The following TAP2 variants were observed in gnomAD, a reference collection of about 807,000 sequenced individuals.
The protein encoded by TAP2 is antigen peptide transporter 2.
A neutral mutation model predicts 74.7 loss-of-function variants in TAP2; 49 were observed. The ratio of observed to expected loss-of-function variants is 0.66; its 90% CI spans 0.52 to 0.83. The LOEUF is 0.83. TAP2 is among the 40% of genes least tolerant of loss of function. The pLI, the probability that TAP2 is intolerant of heterozygous loss-of-function variation, is 0.00. For missense variants in TAP2, 739 were observed against 859.0 expected, an observed-to-expected ratio of 0.86 and a Z score of 1.75; for synonymous variants, 306 against 368.4, an observed-to-expected ratio of 0.83 and a Z score of 1.94.
Position 32,827,478 on chromosome 6 carries a change from C to T in TAP2, c.*1428G>A, listed in dbSNP as rs930487581. ...AAAAGGTGGGAAAGGGAAGATAGAA[C>T]TTTAAAAGGGCTGTGAAAGAGGTAA... On this transcript the variant is annotated 3_prime_UTR_variant, in exon 12 of 12. Coordinates refer to ENST00000374897, the MANE Select transcript of TAP2 (RefSeq NM_001290043.2). 1 of 453,192 alleles carries T rather than the reference C, an allele frequency of 2.2e-6. No individual in the cohort carries two copies. The highest frequency in any genetic ancestry group is 2.9e-6 in the Non-Finnish European group (1 of 344,214). The allele number at this position is 453,192 out of a possible 1,614,324, so 28.1% of individuals were successfully genotyped here. A position where few individuals can be genotyped will look rare whatever the true frequency, so the allele number is the denominator to read the frequency against.
rs1195298920 is a variant in TAP2 at position 32,828,956 on chromosome 6, G to A, written c.2011C>T (p.Gln671Ter). ...TTGCCCTCCTGGAGCACCAGGATCT[G>A]GTGGGCGCGCTGAACTGTCTGCAGC... ...HRLQTVQRAH[Q>*]ILVLQEGKLQ... Residue 671 changes from glutamine (Q) to a stop codon, truncating the protein, a stop_gained, in exon 12 of 12, where the codon CAG becomes TAG. Coordinates refer to ENST00000374897, the MANE Select transcript of TAP2 (RefSeq NM_001290043.2). LOFTEE classifies it high-confidence loss of function. 3 of 1,547,550 alleles carry A rather than the reference G, an allele frequency of 1.9e-6. No homozygotes were observed. Among genetic ancestry groups the A allele is most frequent in the Non-Finnish European group, 2.6e-6 (3 of 1,146,368 alleles).
chr6:32,829,020 A>G lies in TAP2; in HGVS notation c.1947T>C (p.Asn649=), dbSNP rs942085634. The stretch of plus-strand genomic sequence containing the variant: ...CCAGCACTGTGCGATCCCCACGGGA[A>G]TTCCAGTCCTGCAGCTGAAGGGGTG... ...VQCEQALQDW[N]SRGDRTVLVI... The change falls in exon 12 of 12, where the codon AAT becomes AAC. Residue 649 remains asparagine, a synonymous_variant. Transcript: ENST00000374897. 1.5e-5 allele frequency: 23 copies of G among 1,549,202 alleles called. No homozygotes were observed. The highest frequency in any genetic ancestry group is 2.0e-5 in the Non-Finnish European group (23 of 1,146,480).
chr6:32,832,356 C>G lies in TAP2; in HGVS notation c.1249G>C (p.Glu417Gln). 6.2e-7 allele frequency: 1 copy of G among 1,613,046 alleles called. No homozygotes were observed. The highest frequency in any genetic ancestry group is 8.5e-7 in the Non-Finnish European group (1 of 1,180,030). ...ACCTGCACATAGCTCCCCACGCTCT[C>G]CTGGTAGATCATAAAGGAAAGCAGG... Reference protein sequence around the residue: ...GSLLSFMIYQESVGSYVQTLV... With the variant: ...GSLLSFMIYQQSVGSYVQTLV... Residue 417 changes from glutamate (E) to glutamine (Q), a missense_variant, in exon 7 of 12, where the codon GAG (glutamate) becomes CAG (glutamine). Glu to Gln is a conservative substitution (Grantham distance 29, BLOSUM62 2). Transcript: ENST00000374897. This position sits in a 1 kb window ranked among gnomAD's most constrained non-coding sequence, Gnocchi z 5.9.
In TAP2 at chr6:32,833,558, A is replaced by C. The variant is rs557539839; in HGVS notation, c.946-734T>G. On this transcript the variant is annotated intron_variant, in intron 5 of 11. Coordinates refer to ENST00000374897, the MANE Select transcript of TAP2 (RefSeq NM_001290043.2). ...TCAATATTTACTAATCATTAGGGAA[A>C]TGCAAATCAAAACCACAATGAGATA... Among the ~76,000 whole-genome samples the C allele has an allele frequency of 9.2e-5, 14 of 152,356 alleles. No homozygotes were observed. The East Asian group carries it at 2.7e-3, about 29-fold the overall frequency.
intron 11 of TAP2, 62 bp downstream of exon 11, chr6:32,829,338 T>G (rs241443): frequency 0.32 from 496,278 of 1,553,198 alleles, 81,842 homozygotes; most frequent in South Asian, 0.41. Flanking sequence ...TTCTGCACAG[T>G]CTGATCCTCC....
chr6:32,826,332 C>T lies in TAP2; in HGVS notation c.*2574G>A. 4 of 985,396 alleles carry T rather than the reference C, an allele frequency of 4.1e-6. No homozygotes were observed. The highest frequency in any genetic ancestry group is 4.8e-6 in the Non-Finnish European group (4 of 829,946). The allele number at this position is 985,396 out of a possible 1,614,324, so 61.0% of individuals were successfully genotyped here. On this transcript the variant is annotated 3_prime_UTR_variant, in exon 12 of 12. Transcript: ENST00000374897. ...AAATCTATCAGTTTCCCAAGCTTTC[C>T]CCTCTCCATTCATACTTTCCTTTAG...
chr6:32,828,878 C>A lies in TAP2; in HGVS notation c.*28G>T. ...CCTCAGTCCATCAGCCGCTGCTGCACCAGGCGGGAATAGAGGTCCTGTCCC... is the reference window on the plus strand; with the variant it reads ...CCTCAGTCCATCAGCCGCTGCTGCAACAGGCGGGAATAGAGGTCCTGTCCC... On this transcript the variant is annotated 3_prime_UTR_variant, in exon 12 of 12. Transcript: ENST00000374897. 1 of 1,524,174 alleles carries A rather than the reference C, an allele frequency of 6.6e-7. No individual in the cohort carries two copies. The highest frequency in any genetic ancestry group is 8.9e-7 in the Non-Finnish European group (1 of 1,128,760). 94.4% of individuals were successfully genotyped at this position (1,524,174 alleles called of 1,614,324 possible). A position where few individuals can be genotyped will look rare whatever the true frequency, so the allele number is the denominator to read the frequency against.
chr6:32,835,445 C>T lies in TAP2; in HGVS notation c.740-86G>A. 6.7e-7 allele frequency: 1 copy of T among 1,494,042 alleles called. No homozygotes were observed. The allele number at this position is 1,494,042 out of a possible 1,614,324, so 92.5% of individuals were successfully genotyped here. On this transcript the variant is annotated intron_variant, in intron 4 of 11. Transcript: ENST00000374897. This position sits in a 1 kb window ranked among gnomAD's most constrained non-coding sequence, Gnocchi z 4.0. ...ACTCCCTCCTGACCGTTCCCTCTGA[C>T]ACAGCCCCCTCCTCTGAACATCCTC...
rs750836884 is a variant in TAP2, at chr6:32,835,737, G to A, written c.645C>T (p.Thr215=). 1 of 1,613,150 alleles carries A rather than the reference G, an allele frequency of 6.2e-7. No homozygotes were observed. The part of the protein sequence containing the change: ...LSAGCRGGCF[T]YTMSRINLRI... ...GCAAGTTGATTCGAGACATGGTGTAGGTGAAGCAGCCTCCTCGGCAGCCTG... is the reference window on the plus strand; with the variant it reads ...GCAAGTTGATTCGAGACATGGTGTAAGTGAAGCAGCCTCCTCGGCAGCCTG... Residue 215 remains threonine (T), a synonymous_variant, in exon 4 of 12, where the codon ACC becomes ACT. Transcript: ENST00000374897. This position sits in a 1 kb window ranked among gnomAD's most constrained non-coding sequence, Gnocchi z 4.0.
intron 7 of TAP2, among the ~76,000 whole-genome samples, chr6:32,831,693 A>G (rs191984594): frequency 1.3e-5 from 2 of 152,194 alleles, no homozygotes; most frequent in Admixed American, 1.3e-4. Context: ...CTATTTCTTC[A>G]ACAAATAAAC....
At position 32,828,273 on chromosome 6, in the gene TAP2, C is replaced by T. The variant is rs1275604734; in HGVS notation, c.*633G>A. ...AAACTCTATAAATGGTAGCTGTTACCAATGTCGCTATTAATACTGTTAATC... is the reference window on the plus strand; with the variant it reads ...AAACTCTATAAATGGTAGCTGTTACTAATGTCGCTATTAATACTGTTAATC... On this transcript the variant is annotated 3_prime_UTR_variant, in exon 12 of 12. Transcript: ENST00000374897. 7 of 985,106 alleles carry T rather than the reference C, an allele frequency of 7.1e-6. No individual in the cohort carries two copies. Among genetic ancestry groups the T allele is most frequent in the Non-Finnish European group, 8.4e-6 (7 of 829,674 alleles). 61.0% of individuals were successfully genotyped at this position (985,106 alleles called of 1,614,324 possible).
rs1768673813 is a variant in TAP2 at position 32,826,715 on chromosome 6, C to T, written c.*2191G>A. On this transcript the variant is annotated 3_prime_UTR_variant, in exon 12 of 12. Transcript: ENST00000374897. The stretch of plus-strand genomic sequence containing the variant: ...CACCCAGCTTTATCATGATTAGCTG[C>T]GTGATTTCATGTCAGTTTCTCTGTA... 9 of 985,372 alleles carry T rather than the reference C, an allele frequency of 9.1e-6. No individual in the cohort carries two copies. The highest frequency in any genetic ancestry group is 1.1e-5 in the Non-Finnish European group (9 of 829,922). The allele number at this position is 985,372 out of a possible 1,614,324, so 61.0% of individuals were successfully genotyped here.
chr6:32,832,956 C>A lies in TAP2; in HGVS notation c.946-132G>T. ...ACTGTTTCTCTCCCTCTTCCTTACT[C>A]TTCTTTCCAGAAGGAATAAGAGTGA... On this transcript the variant is annotated intron_variant, in intron 5 of 11. Transcript: ENST00000374897. This position sits in a 1 kb window ranked among gnomAD's most constrained non-coding sequence, Gnocchi z 5.9. 1 of 1,019,878 alleles carries A rather than the reference C, an allele frequency of 9.8e-7. No individual in the cohort carries two copies. The highest frequency in any genetic ancestry group is 1.5e-6 in the Non-Finnish European group (1 of 677,580). 63.2% of individuals were successfully genotyped at this position (1,019,878 alleles called of 1,614,324 possible).
intron 10 of TAP2, 51 bp downstream of exon 10, chr6:32,829,879 T>C: frequency 6.2e-7 from 1 of 1,610,532 alleles, no homozygotes; most frequent in Non-Finnish European, 8.5e-7. Context: ...AGAGTAAGTC[T>C]GATTTTCTCT....
downstream of TAP2, among the ~76,000 whole-genome samples, chr6:32,823,083 C>A (rs1768405819): frequency 6.6e-6 from 1 of 151,982 alleles, no homozygotes; most frequent in African/African-American, 2.4e-5. Flanking sequence ...CCACACCCAG[C>A]TAATTTTTGT....
chr6:32,831,984 T>C (rs1306580861), intron 7 of TAP2, among the ~76,000 whole-genome samples: 29 of 152,242 alleles, frequency 1.9e-4, no homozygotes, highest in Admixed American at 1.9e-3. Context: ...TATACACTTT[T>C]AAAGATGTTT....
chr6:32,828,466 C>T lies in TAP2; in HGVS notation c.*440G>A. The T allele has an allele frequency of 1.0e-6, 1 of 980,890 alleles. No homozygotes were observed. The highest frequency in any genetic ancestry group is 1.2e-6 in the Non-Finnish European group (1 of 825,614). The allele number at this position is 980,890 out of a possible 1,614,324, so 60.8% of individuals were successfully genotyped here. On this transcript the variant is annotated 3_prime_UTR_variant, in exon 12 of 12. Coordinates refer to ENST00000374897, the MANE Select transcript of TAP2 (RefSeq NM_001290043.2). ...ACTGATGGGACAGGCAGCAAAATAGCAACTATGGTTATCTCCAGGAAGTGA... is the reference window on the plus strand; with the variant it reads ...ACTGATGGGACAGGCAGCAAAATAGTAACTATGGTTATCTCCAGGAAGTGA...
chr6:32,831,497 A>C (rs1250820521), intron 7 of TAP2, among the ~76,000 whole-genome samples: 1 of 152,158 alleles, frequency 6.6e-6, no homozygotes, highest in Non-Finnish European at 1.5e-5. Context: ...TGCCTCTTGG[A>C]GGAAGAATGC....
chr6:32,823,679 A>G (rs567258220), downstream of TAP2, among the ~76,000 whole-genome samples: 5 of 152,112 alleles, frequency 3.3e-5, no homozygotes, highest in Non-Finnish European at 7.4e-5. Flanking sequence ...AGTTCAGTTA[A>G]GAAGCCCATT....
Sources: allele counts gnomAD v4.1 joint callset (sites outside exome capture counted in the v4.1 genomes callset), GRCh38; gene constraint gnomAD v4.1.1; non-coding constraint Gnocchi (gnomAD v3.1); transcripts MANE v1.5; gene names NCBI Gene and HGNC (gene_info 2026-07-23, HGNC 2026-07-21).